TTC7A: variants seen among roughly 807,000 people sequenced by gnomAD.
TTC7A encodes the protein tetratricopeptide repeat protein 7A.
TTC7A carries 110 observed loss-of-function variants against 103.7 expected under a neutral mutation model. The ratio of observed to expected loss-of-function variants is 1.06; its 90% confidence interval spans 0.91 to 1.24. The LOEUF is 1.24. TTC7A is among the 50% of genes most tolerant of loss of function. The probability of loss-of-function intolerance (pLI) is 0.00; values close to 1 mark genes in which losing one functional copy is unlikely to be tolerated. For synonymous variants in TTC7A, 521 were observed against 467.9 expected, an observed-to-expected ratio of 1.11 and a Z score of -1.47; for missense variants, 1,340 against 1,116.3, an observed-to-expected ratio of 1.20 and a Z score of -2.86.
At chr2:47,022,586 G>C (rs961133011) in intron 12 of TTC7A, among the ~76,000 whole-genome samples, 2 of 152,080 alleles carry the variant, frequency 1.3e-5, no homozygotes, top group African/African-American at 2.4e-5. Context: ...CTTGTAGCTT[G>C]AGGGATGGGG....
chr2:46,934,061 G>T (rs1669844287), intron 2 of TTC7A, among the ~76,000 whole-genome samples: 1 of 152,144 alleles, frequency 6.6e-6, no homozygotes, highest in African/African-American at 2.4e-5. Context: ...TGATGAAGGC[G>T]AGGAGAATGT....
intron 15 of TTC7A, among the ~76,000 whole-genome samples, chr2:47,030,075 C>T (rs1483389528): frequency 6.6e-6 from 1 of 152,320 alleles, no homozygotes; most frequent in East Asian, 1.9e-4. Context: ...GCAGGTGACA[C>T]TGAGTGTAAC....
intron 1 of TTC7A, among the ~76,000 whole-genome samples, chr2:46,947,177 G>T (rs1671015233): frequency 6.6e-6 from 1 of 152,152 alleles, no homozygotes; most frequent in Admixed American, 6.5e-5. Flanking sequence ...GAGAGACAGG[G>T]TGTTTTTGGC....
At chr2:46,991,682 A>G (rs1675649531) in intron 5 of TTC7A, among the ~76,000 whole-genome samples, 1 of 152,216 alleles carries the variant, frequency 6.6e-6, no homozygotes, top group South Asian at 2.1e-4. Flanking sequence ...ATTAGGACTA[A>G]TAGTGGTAAA....
rs538534168 is a variant in TTC7A, at chr2:47,074,187, G to A, written c.*264G>A. The A allele has an allele frequency of 4.3e-5, 22 of 516,030 alleles. No individual in the cohort carries two copies. In the East Asian group the frequency reaches 7.7e-4, roughly 18 times the overall value. The allele number at this position is 516,030 out of a possible 1,614,324, so 32.0% of individuals were successfully genotyped here. ...TGTGGTGACCAGACTTGCTCCCCAA[G>A]AGCTGGGCAGCGGGGAGCCTCACAG... On this transcript the variant is annotated 3_prime_UTR_variant, in exon 20 of 20. Transcript: ENST00000319190.
At chr2:47,005,861 G>C (rs568577508) in intron 8 of TTC7A, 61 bp from the exon 9 acceptor site, 1 of 1,595,542 alleles carries the variant, frequency 6.3e-7, no homozygotes, top group African/African-American at 1.3e-5. Context: ...GGGGCCCTGC[G>C]AAGACAGACA....
At chr2:47,035,715 G>A (rs561393233) in intron 15 of TTC7A, 1 of 152,384 alleles carries the variant, frequency 6.6e-6, no homozygotes, top group East Asian at 1.9e-4. Context: ...TTTCCTTCTG[G>A]TACTTGTTGC....
At chr2:46,947,313 A>C (rs995278895) in intron 1 of TTC7A, among the ~76,000 whole-genome samples, 4 of 152,280 alleles carry the variant, frequency 2.6e-5, no homozygotes, top group Admixed American at 6.5e-5. Context: ...GCTATATAAA[A>C]AAGTGTCTGG....
chr2:47,057,170 G>A (rs1485642403), intron 18 of TTC7A, among the ~76,000 whole-genome samples: 1 of 152,232 alleles, frequency 6.6e-6, no homozygotes, highest in African/African-American at 2.4e-5. Flanking sequence ...AAGGGGCAGT[G>A]CATTGTCACC....
chr2:47,045,262 G>A (rs753645243), intron 15 of TTC7A, among the ~76,000 whole-genome samples: 41 of 152,198 alleles, frequency 2.7e-4, no homozygotes, highest in Admixed American at 3.3e-4. Context: ...GCCACTGCCT[G>A]GACCCCTCCA....
chr2:47,019,673 G>A (rs1679067587), intron 11 of TTC7A, among the ~76,000 whole-genome samples: 1 of 152,192 alleles, frequency 6.6e-6, no homozygotes, highest in East Asian at 1.9e-4. Flanking sequence ...TACTTTGCCA[G>A]TATCTGCTGA....
chr2:46,924,951 C>A (rs189325232), intron 2 of TTC7A, among the ~76,000 whole-genome samples: 12 of 152,328 alleles, frequency 7.9e-5, no homozygotes, highest in Non-Finnish European at 1.5e-4. Context: ...TTCAAGAGTA[C>A]TCTTAGTTTT....
At chr2:46,933,923 G>A (rs561562804) in intron 2 of TTC7A, among the ~76,000 whole-genome samples, 22 of 152,160 alleles carry the variant, frequency 1.4e-4, no homozygotes, top group Non-Finnish European at 2.9e-4. Context: ...TATGAAAGAA[G>A]AGGCCAGAGT....
At chr2:46,999,345 C>A in intron 8 of TTC7A, 1 of 216,296 alleles carries the variant, frequency 4.6e-6, no homozygotes, top group Non-Finnish European at 7.9e-6. Flanking sequence ...CCTATTCATC[C>A]ACCTATCATT....
At chr2:46,997,820 CAA>C (rs1038028861) in intron 8 of TTC7A, among the ~76,000 whole-genome samples, 8 of 152,218 alleles carry the variant, frequency 5.3e-5, no homozygotes, top group African/African-American at 1.9e-4. Flanking sequence ...TCTGTCTTCC[CAA>C]GTCATTTTCT....
intron 2 of TTC7A, among the ~76,000 whole-genome samples, chr2:46,951,977 G>A (rs1426073596): frequency 6.6e-6 from 1 of 152,242 alleles, no homozygotes; most frequent in Non-Finnish European, 1.5e-5. Flanking sequence ...TAAGCAGAGA[G>A]CAGACTCTGA....
Position 46,956,080 on chromosome 2 carries a change from C to G in TTC7A, c.349-759C>G, listed in dbSNP as rs193283965. Among the ~76,000 whole-genome samples the G allele has an allele frequency of 7.1e-4, 108 of 152,356 alleles. 1 individual carries two copies. Among genetic ancestry groups the G allele is most frequent in the African/African-American group, 2.5e-3 (105 of 41,572 alleles). On this transcript the variant is annotated intron_variant, in intron 2 of 19. Transcript: ENST00000319190. ...CCTCCCTCAGGCAACAGCACAGGAT[C>G]CCAAGCCACAGTAGGGGTGATCATG...
intron 8 of TTC7A, among the ~76,000 whole-genome samples, chr2:47,005,133 T>G (rs1382147972): frequency 6.6e-6 from 1 of 152,100 alleles, no homozygotes; most frequent in Non-Finnish European, 1.5e-5. Flanking sequence ...AGAGCAGAGT[T>G]CTTGAGTGTG....
chr2:47,007,625 G>A lies in TTC7A; in HGVS notation c.1287+901G>A, dbSNP rs549076474. Among the ~76,000 whole-genome samples, 7 of 152,220 alleles carry A rather than the reference G, an allele frequency of 4.6e-5. No individual in the cohort carries two copies. The East Asian group carries it at 1.2e-3, about 25-fold the overall frequency. ...CCTGGCTTGCCAGTGCCTCCTCCAC[G>A]CATCAAGGGCGTGCCAGCCAGCTCG... is the stretch of plus-strand genomic sequence containing the variant. On this transcript the variant is annotated intron_variant, in intron 10 of 19. Transcript: ENST00000319190. This position sits in a 1 kb window ranked among gnomAD's most constrained non-coding sequence, Gnocchi z 4.9.
Sources: gnomAD v4.1 joint callset for allele counts (sites outside exome capture counted in the v4.1 genomes callset) on GRCh38, gnomAD v4.1.1 for gene constraint, Gnocchi (gnomAD v3.1) non-coding constraint, MANE v1.5 for transcripts, NCBI Gene and HGNC (gene_info 2026-07-23, HGNC 2026-07-21) for gene names.